OCA2: variants seen among roughly 807,000 people sequenced by gnomAD.
The protein encoded by OCA2 is P protein.
OCA2 carries 77 observed loss-of-function variants against 100.2 expected under a neutral mutation model. The ratio of observed to expected loss-of-function variants is 0.77; its 90% CI spans 0.64 to 0.93. OCA2 has a LOEUF of 0.93. Ranked by LOEUF, OCA2 falls within the 40% of genes least tolerant of loss-of-function variation. The pLI, the probability that OCA2 is intolerant of heterozygous loss-of-function variation, is 0.00. For synonymous variants in OCA2, 432 were observed against 439.2 expected (o/e 0.98, Z 0.21); for missense variants, 1,062 against 1,089.1 (o/e 0.98, Z 0.35).
chr15:27,949,024 C>T (rs1377114846), intron 18 of OCA2, among the ~76,000 whole-genome samples: 1 of 152,058 alleles, frequency 6.6e-6, no homozygotes, highest in Non-Finnish European at 1.5e-5. Context: ...ACAAACCTAC[C>T]TATGTGTTAA....
chr15:27,842,632 A>C (rs1335422077), intron 23 of OCA2, among the ~76,000 whole-genome samples: 3 of 152,200 alleles, frequency 2.0e-5, no homozygotes, highest in African/African-American at 7.2e-5. Context: ...GAAGAACTGG[A>C]ACCAGGCAAA....
intron 23 of OCA2, among the ~76,000 whole-genome samples, chr15:27,806,255 A>T (rs2033842711): frequency 6.6e-6 from 1 of 152,184 alleles, no homozygotes. Flanking sequence ...ACTAAAAAGA[A>T]GCAGAACTTT....
the OCA2 span, among the ~76,000 whole-genome samples, chr15:27,737,492 C>G: frequency 6.6e-6 from 1 of 151,988 alleles, no homozygotes; most frequent in Non-Finnish European, 1.5e-5. Context: ...TGTTCTAGAC[C>G]AGAAAGAGAA....
chr15:27,857,830 G>A (rs977760555), intron 21 of OCA2, among the ~76,000 whole-genome samples: 1 of 152,274 alleles, frequency 6.6e-6, no homozygotes, highest in Admixed American at 6.5e-5. Flanking sequence ...GGACTGAACT[G>A]TAAAGGAAGT....
At chr15:28,073,783 G>A (rs1048287324) in intron 2 of OCA2, among the ~76,000 whole-genome samples, 1 of 152,082 alleles carries the variant, frequency 6.6e-6, no homozygotes, top group Non-Finnish European at 1.5e-5. Flanking sequence ...TACACACACT[G>A]TATGATTTCA....
chr15:27,861,444 T>C (rs545474042), intron 21 of OCA2, among the ~76,000 whole-genome samples: 10 of 152,174 alleles, frequency 6.6e-5, no homozygotes, highest in African/African-American at 2.4e-4. Flanking sequence ...AGTGTTCAGA[T>C]GAGACCCCTG....
At chr15:27,906,497 C>T (rs997799089) in intron 19 of OCA2, among the ~76,000 whole-genome samples, 4 of 151,614 alleles carry the variant, frequency 2.6e-5, no homozygotes, top group African/African-American at 7.3e-5. Context: ...AAATGGAACC[C>T]GGGCAATGAA....
At chr15:28,005,198 A>G (rs1347016431) in intron 9 of OCA2, among the ~76,000 whole-genome samples, 1 of 151,978 alleles carries the variant, frequency 6.6e-6, no homozygotes, top group East Asian at 1.9e-4. Context: ...CCCTCCTCAG[A>G]AGGAGGCTGA....
intron 21 of OCA2, among the ~76,000 whole-genome samples, chr15:27,868,197 T>C (rs757894847): frequency 2.6e-5 from 4 of 152,190 alleles, no homozygotes; most frequent in South Asian, 2.1e-4. Context: ...TTAAACCCTA[T>C]AGACCATATC....
intron 19 of OCA2, among the ~76,000 whole-genome samples, chr15:27,893,952 G>C (rs1057221814): frequency 6.6e-6 from 1 of 151,972 alleles, no homozygotes; most frequent in African/African-American, 2.4e-5. Flanking sequence ...TTTGCTCTTT[G>C]ATGCATGTGA....
intron 2 of OCA2, among the ~76,000 whole-genome samples, chr15:28,066,499 G>C (rs1012005657): frequency 1.3e-5 from 2 of 152,104 alleles, no homozygotes; most frequent in African/African-American, 2.4e-5. Context: ...ATTTAAAACA[G>C]AGACATTAAA....
intron 19 of OCA2, among the ~76,000 whole-genome samples, chr15:27,909,066 G>T (rs1033782198): frequency 6.6e-6 from 1 of 151,894 alleles, no homozygotes; most frequent in Non-Finnish European, 1.5e-5. Context: ...ATCAACTAAG[G>T]ATAAATTAAC....
At chr15:27,889,642 C>T (rs1297129179) in intron 19 of OCA2, among the ~76,000 whole-genome samples, 1 of 152,204 alleles carries the variant, frequency 6.6e-6, no homozygotes, top group Non-Finnish European at 1.5e-5. Flanking sequence ...CAAAGCCTCA[C>T]TGCCCTTCAT....
chr15:27,854,974 C>T (rs1303839052), intron 21 of OCA2, among the ~76,000 whole-genome samples: 1 of 152,182 alleles, frequency 6.6e-6, no homozygotes, highest in African/African-American at 2.4e-5. Context: ...TCCTGTGCTG[C>T]GAGGTCCATC....
chr15:27,809,722 C>T (rs1048217336), intron 23 of OCA2, among the ~76,000 whole-genome samples: 4 of 152,118 alleles, frequency 2.6e-5, no homozygotes, highest in African/African-American at 7.2e-5. Flanking sequence ...ACACCAATAA[C>T]GACCAAGCTA....
At chr15:27,929,255 T>C (rs1027229657) in intron 18 of OCA2, among the ~76,000 whole-genome samples, 9 of 152,194 alleles carry the variant, frequency 5.9e-5, no homozygotes, top group Non-Finnish European at 1.3e-4. Flanking sequence ...CCTCAAGATT[T>C]ATTATAAAGC....
intron 2 of OCA2, among the ~76,000 whole-genome samples, chr15:28,067,819 T>TG (rs2044071563): frequency 6.6e-6 from 1 of 152,210 alleles, no homozygotes. Flanking sequence ...CTGTGGTTGT[T>TG]GGAGTGTTCT....
intron 2 of OCA2, among the ~76,000 whole-genome samples, chr15:28,064,421 C>T (rs1277715987): frequency 6.6e-6 from 1 of 151,932 alleles, no homozygotes; most frequent in African/African-American, 2.4e-5. Context: ...TATTTGATGG[C>T]TTTCCACAGG....
rs750843354 is a variant in OCA2 at position 27,985,181 on chromosome 15, C to T, written c.1247G>A (p.Arg416Gln). The change falls in exon 13 of 24, where the codon CGG becomes CAG. Residue 416 changes from arginine (R) to glutamine (Q), a missense_variant. Arg to Gln is a conservative substitution (Grantham distance 43). Coordinates refer to ENST00000354638, the MANE Select transcript of OCA2 (RefSeq NM_000275.3). ...FFDYCAVKAYRLSRGRVWAMI... is the reference protein window; with the variant it reads ...FFDYCAVKAYQLSRGRVWAMI... ...GGCCCACACCCGTCCCCGGGAGAGCCGGTATGCCTGGCCACACACACACAG... is the reference window on the plus strand; with the variant it reads ...GGCCCACACCCGTCCCCGGGAGAGCTGGTATGCCTGGCCACACACACACAG... 14 of 1,613,588 alleles carry T rather than the reference C, an allele frequency of 8.7e-6. No homozygotes were observed. In the Admixed American group the frequency reaches 1.0e-4, roughly 12 times the overall value.
Sources: gnomAD v4.1 joint callset for allele counts (sites outside exome capture counted in the v4.1 genomes callset) on GRCh38, gnomAD v4.1.1 for gene constraint, MANE v1.5 for transcripts, NCBI Gene and HGNC (gene_info 2026-07-23, HGNC 2026-07-21) for gene names.